PRPF19: variants seen among roughly 807,000 people sequenced by gnomAD.
The protein encoded by PRPF19 is pre-mRNA-processing factor 19.
Under a neutral mutation model 64.2 loss-of-function variants are expected in PRPF19, and 2 were observed. That is an observed-to-expected ratio of 0.03 (90% CI 0.01 to 0.10). The LOEUF (loss-of-function observed/expected upper bound fraction) is 0.10, where lower values mean the gene tolerates loss of function less well. PRPF19 is among the 10% of genes least tolerant of loss of function. PRPF19 has a pLI of 1.00. For synonymous variants in PRPF19, 226 were observed against 251.6 expected (o/e 0.90, Z 0.96); for missense variants, 314 against 650.0 (o/e 0.48, Z 5.62).
In PRPF19 at chr11:60,900,574, C is replaced by A; in HGVS notation, c.828+8G>T. 4 of 1,540,318 alleles carry A rather than the reference C, an allele frequency of 2.6e-6. No homozygotes were observed. Among genetic ancestry groups the A allele is most frequent in the South Asian group, 1.2e-5 (1 of 83,824 alleles). ...GAAGAACCAAGGGTGGCGAGGAGAACCCCTTACCTGGGAAGGGTGAAACAC... is the reference window on the plus strand; with the variant it reads ...GAAGAACCAAGGGTGGCGAGGAGAAACCCTTACCTGGGAAGGGTGAAACAC... On this transcript the variant is annotated splice_region_variant and intron_variant, in intron 10 of 15. Coordinates refer to ENST00000227524, the MANE Select transcript of PRPF19 (RefSeq NM_014502.5).
At chr11:60,899,468 C>T (rs1855958190) in intron 10 of PRPF19, among the ~76,000 whole-genome samples, 164 bp from the exon 11 acceptor site, 1 of 152,216 alleles carries the variant, frequency 6.6e-6, no homozygotes, top group African/African-American at 2.4e-5. Context: ...CCCAAGACAG[C>T]CAATGGTAAA....
chr11:60,895,587 T>C (rs533512749), intron 15 of PRPF19, among the ~76,000 whole-genome samples: 1 of 152,364 alleles, frequency 6.6e-6, no homozygotes, highest in East Asian at 1.9e-4. Context: ...AGTAGCACTT[T>C]TAATTTCCTT....
chr11:60,898,939 A>G lies in PRPF19; in HGVS notation c.985-8T>C. 6.3e-7 allele frequency: 1 copy of G among 1,588,104 alleles called. No homozygotes were observed. Among genetic ancestry groups the G allele is most frequent in the Non-Finnish European group, 8.6e-7 (1 of 1,165,976 alleles). On this transcript the variant is annotated splice_region_variant and splice_polypyrimidine_tract_variant and intron_variant, in intron 11 of 15. Transcript: ENST00000227524. The surrounding 1 kb of genome is among the most constrained non-coding windows in gnomAD (Gnocchi z 4.6). ...GTCAGAGAAAGCCCAGTACTGGGGA[A>G]AAAAAAAGAGACAATGGAGTCAGTG...
intron 10 of PRPF19, among the ~76,000 whole-genome samples, chr11:60,899,708 C>G (rs1280484872): frequency 6.6e-6 from 1 of 152,200 alleles, no homozygotes; most frequent in African/African-American, 2.4e-5. Flanking sequence ...CTGAGCAGTA[C>G]TGGGACTGGA....
chr11:60,906,485 C>T lies in PRPF19; in HGVS notation c.-103G>A, dbSNP rs1328116315. The T allele has an allele frequency of 7.6e-7, 1 of 1,308,404 alleles. No homozygotes were observed. The highest frequency in any genetic ancestry group is 2.6e-5 in the East Asian group (1 of 38,764). 81.0% of individuals were successfully genotyped at this position (1,308,404 alleles called of 1,614,324 possible). ...TCCCCCGCTGCTGCCGGGACTGCTCCGCGGCGAGCTGGGAGCCGCCAGCCG... is the reference window on the plus strand; with the variant it reads ...TCCCCCGCTGCTGCCGGGACTGCTCTGCGGCGAGCTGGGAGCCGCCAGCCG... On this transcript the variant is annotated 5_prime_UTR_variant, in exon 1 of 16. Transcript: ENST00000227524.
Position 60,891,109 on chromosome 11 carries a change from C to T in PRPF19, c.*57G>A. ...GATTCCCCCCACCCCCCCCCCCAAA[C>T]CCTAATTCTACCCCTCTACTGAGAT... On this transcript the variant is annotated 3_prime_UTR_variant, in exon 16 of 16. Transcript: ENST00000227524. The T allele has an allele frequency of 1.4e-6, 1 of 694,676 alleles. No individual in the cohort carries two copies. Among genetic ancestry groups the T allele is most frequent in the East Asian group, 3.5e-5 (1 of 28,408 alleles). 43.0% of individuals were successfully genotyped at this position (694,676 alleles called of 1,614,324 possible).
At position 60,898,738 on chromosome 11, in the gene PRPF19, C is replaced by T. The variant is rs1590606543; in HGVS notation, c.1055-112G>A. The T allele has an allele frequency of 4.5e-6, 7 of 1,567,942 alleles. No individual in the cohort carries two copies. In the East Asian group the frequency reaches 1.6e-4, roughly 36 times the overall value. On this transcript the variant is annotated intron_variant, in intron 12 of 15. Coordinates refer to ENST00000227524, the MANE Select transcript of PRPF19 (RefSeq NM_014502.5). The surrounding 1 kb of genome is among the most constrained non-coding windows in gnomAD (Gnocchi z 4.6). The stretch of plus-strand genomic sequence containing the variant: ...ATTCCTCAGTGAACCCAGCACAAAG[C>T]CCGCACTAGACAGGTGCTCATGGTA...
chr11:60,898,011 C>T lies in PRPF19; in HGVS notation c.1312-60G>A, dbSNP rs1855941396. The T allele has an allele frequency of 3.1e-6, 5 of 1,606,648 alleles. No individual in the cohort carries two copies. The highest frequency in any genetic ancestry group is 1.3e-5 in the African/African-American group (1 of 74,510). ...GGGAACAGAAACTATGGGGCAGTTG[C>T]GGATAAGCAGAAGCAATTAGATTAA... On this transcript the variant is annotated intron_variant, in intron 14 of 15. Transcript: ENST00000227524. This position sits in a 1 kb window ranked among gnomAD's most constrained non-coding sequence, Gnocchi z 4.6.
chr11:60,899,472 T>C (rs946785015), intron 10 of PRPF19, among the ~76,000 whole-genome samples, 168 bp from the exon 11 acceptor site: 2 of 152,210 alleles, frequency 1.3e-5, no homozygotes, highest in Non-Finnish European at 1.5e-5. Context: ...AGACAGCCAA[T>C]GGTAAACGCT....
chr11:60,890,603 GT>G lies in PRPF19; in HGVS notation c.*562del. On this transcript the variant is annotated 3_prime_UTR_variant, in exon 16 of 16. Transcript: ENST00000227524. ...GTGCAATTAAAAAAAAAAAAAAAGG[GT>G]AAGAGCTGTGAAAGGAAAGGAAGAT... 3.0e-6 allele frequency: 1 copy of G among 334,600 alleles called. No homozygotes were observed. The highest frequency in any genetic ancestry group is 5.9e-6 in the Non-Finnish European group (1 of 168,724). The allele number at this position is 334,600 out of a possible 1,614,324, so 20.7% of individuals were successfully genotyped here.
chr11:60,895,513 C>G (rs1179246869), intron 15 of PRPF19, among the ~76,000 whole-genome samples: 1 of 152,228 alleles, frequency 6.6e-6, no homozygotes, highest in Non-Finnish European at 1.5e-5. Flanking sequence ...ATCCAGACCA[C>G]TGAAACTTTC....
chr11:60,900,783 G>A, intron 9 of PRPF19, 71 bp downstream of exon 9: 2 of 1,597,090 alleles, frequency 1.3e-6, no homozygotes, highest in East Asian at 2.2e-5. Context: ...CCCATGAAGA[G>A]GACAAGGAGC....
intron 1 of PRPF19, chr11:60,905,428 C>CGA (rs1856035201): frequency 1.3e-5 from 2 of 152,200 alleles, no homozygotes; most frequent in African/African-American, 4.8e-5. Flanking sequence ...TCCTTCTTCC[C>CGA]CCTCTTTGGA....
In PRPF19 at chr11:60,891,250, C is replaced by A; in HGVS notation, c.1431G>T (p.Leu477=). The change falls in exon 16 of 16, where the codon CTG becomes CTT. Residue 477 remains leucine (L), a synonymous_variant. Transcript: ENST00000227524. ...EILHFTEHSG[L]TTGVAFGHHA... is the part of the protein sequence containing the mutation. ...GATGCCCGAAGGCCACCCCTGTGGT[C>A]AGGCCGCTATGCTCTGAGGAGAAAG... The A allele has an allele frequency of 6.2e-7, 1 of 1,613,616 alleles. No homozygotes were observed. The highest frequency in any genetic ancestry group is 1.1e-5 in the South Asian group (1 of 91,014).
intron 15 of PRPF19, among the ~76,000 whole-genome samples, chr11:60,894,279 C>A (rs1316259469): frequency 1.3e-5 from 2 of 152,242 alleles, no homozygotes; most frequent in Non-Finnish European, 2.9e-5. Context: ...ACTTTCAGAA[C>A]TGGAATCAAT....
intron 15 of PRPF19, among the ~76,000 whole-genome samples, chr11:60,896,745 T>C (rs1855926417): frequency 6.6e-6 from 1 of 152,216 alleles, no homozygotes; most frequent in Non-Finnish European, 1.5e-5. Context: ...CTAATACAGT[T>C]GGTGATCCTG....
At chr11:60,897,757 T>C (rs1855937325) in intron 15 of PRPF19, 89 bp downstream of exon 15, 10 of 1,124,508 alleles carry the variant, frequency 8.9e-6, no homozygotes, top group Middle Eastern at 5.7e-4. Context: ...GGTAAATTCA[T>C]GCAAGCCCTA....
At chr11:60,896,211 C>T (rs917368308) in intron 15 of PRPF19, among the ~76,000 whole-genome samples, 1 of 152,150 alleles carries the variant, frequency 6.6e-6, no homozygotes, top group Admixed American at 6.5e-5. Context: ...ATTAAATATA[C>T]TCTTCCCACT....
Position 60,906,578 on chromosome 11 carries a change from C to G in PRPF19, c.-196G>C. 1 of 527,532 alleles carries G rather than the reference C, an allele frequency of 1.9e-6. No individual in the cohort carries two copies. The highest frequency in any genetic ancestry group is 3.3e-6 in the Non-Finnish European group (1 of 301,704). The allele number at this position is 527,532 out of a possible 1,614,324, so 32.7% of individuals were successfully genotyped here. On this transcript the variant is annotated 5_prime_UTR_variant, in exon 1 of 16. Transcript: ENST00000227524. ...GCGCGCCACAGCCTTCAGCACCTAA[C>G]GGAAATTGCCCTTTCCCAGAATGCA...
Sources: gnomAD v4.1 joint callset for allele counts (sites outside exome capture counted in the v4.1 genomes callset) on GRCh38, gnomAD v4.1.1 for gene constraint, Gnocchi (gnomAD v3.1) non-coding constraint, MANE v1.5 for transcripts, NCBI Gene and HGNC (gene_info 2026-07-23, HGNC 2026-07-21) for gene names.